The following EBF3 variants were observed in gnomAD, a reference collection of about 807,000 sequenced individuals.
The protein encoded by EBF3 is transcription factor COE3.
In EBF3, 18 loss-of-function variants were observed where a neutral mutation model predicts 77.1. That is an observed-to-expected ratio of 0.23 (90% CI 0.16 to 0.35). The LOEUF is 0.35. Ranked by LOEUF, EBF3 falls within the 10% of genes least tolerant of loss-of-function variation. The pLI is 1.00. For synonymous variants in EBF3, 350 were observed against 343.5 expected, an observed-to-expected ratio of 1.02 and a Z score of -0.21; for missense variants, 558 against 860.0, an observed-to-expected ratio of 0.65 and a Z score of 4.39.
At chr10:129,895,267 A>G (rs2134214209) in intron 6 of EBF3, among the ~76,000 whole-genome samples, 1 of 152,330 alleles carries the variant, frequency 6.6e-6, no homozygotes, top group East Asian at 1.9e-4. Flanking sequence ...GGCTGCTCTT[A>G]GCTCCTGATT....
intron 6 of EBF3, among the ~76,000 whole-genome samples, chr10:129,950,118 C>G (rs1316442726): frequency 1.3e-5 from 2 of 152,096 alleles, no homozygotes; most frequent in Admixed American, 1.3e-4. Context: ...GTGCAGGCAG[C>G]TCCGTCTTCC....
intron 10 of EBF3, among the ~76,000 whole-genome samples, chr10:129,854,302 C>G (rs1851094862): frequency 6.6e-6 from 1 of 152,178 alleles, no homozygotes; most frequent in South Asian, 2.1e-4. Flanking sequence ...GATCAATGCT[C>G]ATAGAAATTT....
chr10:129,944,922 A>G lies in EBF3; in HGVS notation c.554+12336T>C, dbSNP rs191695699. ...TAAAGCTTGATTTTTTAAAAGAAAAACACTGTCTGAAGTTTAGAATAAACT... is the reference window on the plus strand; with the variant it reads ...TAAAGCTTGATTTTTTAAAAGAAAAGCACTGTCTGAAGTTTAGAATAAACT... On this transcript the variant is annotated intron_variant, in intron 6 of 16. Coordinates refer to ENST00000440978, the MANE Select transcript of EBF3 (RefSeq NM_001375380.1). The surrounding 1 kb of genome is among the most constrained non-coding windows in gnomAD (Gnocchi z 5.1). 6.6e-5 allele frequency among the ~76,000 whole-genome samples: 10 copies of G among 151,226 alleles called. No homozygotes were observed. The highest frequency in any genetic ancestry group is 7.4e-5 in the Non-Finnish European group (5 of 67,864).
chr10:129,925,743 A>G (rs201891298), intron 6 of EBF3, among the ~76,000 whole-genome samples: 1 of 124,692 alleles, frequency 8.0e-6, no homozygotes, highest in Admixed American at 8.0e-5. Flanking sequence ...AGAAAATTGG[A>G]AAAAAAAATA....
chr10:129,914,555 G>A (rs533269634), intron 6 of EBF3, among the ~76,000 whole-genome samples: 1 of 152,186 alleles, frequency 6.6e-6, no homozygotes, highest in African/African-American at 2.4e-5. Context: ...GGGCATGCAG[G>A]GCTTGGAACG....
At chr10:129,961,056 C>T (rs560680950) in intron 4 of EBF3, among the ~76,000 whole-genome samples, 91 of 152,282 alleles carry the variant, frequency 6.0e-4, no homozygotes, top group Non-Finnish European at 1.1e-3. Flanking sequence ...ACCCTTGCTA[C>T]CTAGGTAAGG....
At chr10:129,962,298 G>C in intron 3 of EBF3, 72 bp from the exon 4 acceptor site, 5 of 1,478,296 alleles carry the variant, frequency 3.4e-6, no homozygotes, top group Non-Finnish European at 4.7e-6. Context: ...ACGGAGCACA[G>C]GAAGTCTGTA....
At chr10:129,839,403 G>A (rs1011907964) in intron 15 of EBF3, among the ~76,000 whole-genome samples, 1 of 152,198 alleles carries the variant, frequency 6.6e-6, no homozygotes, top group African/African-American at 2.4e-5. Context: ...GCACCCATGT[G>A]GCTCTGCCCG....
At chr10:129,962,119 G>C in intron 4 of EBF3, 52 bp downstream of exon 4, 7 of 1,599,330 alleles carry the variant, frequency 4.4e-6, no homozygotes, top group Non-Finnish European at 6.0e-6. Flanking sequence ...TGAAGCCCAG[G>C]ACAACCCAGG....
chr10:129,906,446 A>G (rs1855150113), intron 6 of EBF3, among the ~76,000 whole-genome samples: 1 of 152,208 alleles, frequency 6.6e-6, no homozygotes, highest in South Asian at 2.1e-4. Context: ...CCTGTACAGG[A>G]GCCCTCTTAA....
intron 15 of EBF3, among the ~76,000 whole-genome samples, chr10:129,839,780 T>C (rs574228633): frequency 6.6e-6 from 1 of 152,328 alleles, no homozygotes; most frequent in Admixed American, 6.5e-5. Flanking sequence ...TGCCCCGCCA[T>C]TCCCATGCCA....
chr10:129,963,789 G>A lies in EBF3; in HGVS notation c.-21C>T, dbSNP rs1859728128. 3.4e-6 allele frequency: 5 copies of A among 1,492,222 alleles called. No individual in the cohort carries two copies. Among genetic ancestry groups the A allele is most frequent in the South Asian group, 2.3e-5 (2 of 86,404 alleles). 92.4% of individuals were successfully genotyped at this position (1,492,222 alleles called of 1,614,324 possible). ...AACATGAAAACTGCTGGCGGCGGCC[G>A]CAGCTCCCGGCCGAAAGCGTTTCCT... On this transcript the variant is annotated 5_prime_UTR_variant, in exon 1 of 17. Coordinates refer to ENST00000440978, the MANE Select transcript of EBF3 (RefSeq NM_001375380.1). This position sits in a 1 kb window ranked among gnomAD's most constrained non-coding sequence, Gnocchi z 7.1.
chr10:129,943,850 T>C lies in EBF3; in HGVS notation c.554+13408A>G, dbSNP rs745427102. 2.6e-5 allele frequency among the ~76,000 whole-genome samples: 4 copies of C among 152,226 alleles called. No homozygotes were observed. The highest frequency in any genetic ancestry group is 5.9e-5 in the Non-Finnish European group (4 of 68,036). On this transcript the variant is annotated intron_variant, in intron 6 of 16. Transcript: ENST00000440978. The surrounding 1 kb of genome is among the most constrained non-coding windows in gnomAD (Gnocchi z 8.8). ...CTGTGCTGAGCTCTCTGGAACCATA[T>C]GTTCAGCAACGTTATGGAGGGCGCT...
At chr10:129,956,803 A>G (rs1236519113) in intron 6 of EBF3, among the ~76,000 whole-genome samples, 1 of 152,262 alleles carries the variant, frequency 6.6e-6, no homozygotes, top group East Asian at 1.9e-4. Context: ...CACATTTTGC[A>G]ACTAATTGAG....
At chr10:129,866,989 T>A in intron 10 of EBF3, 152 bp downstream of exon 10, 1 of 1,151,306 alleles carries the variant, frequency 8.7e-7, no homozygotes, top group Non-Finnish European at 1.2e-6. Flanking sequence ...GGAAACTGCA[T>A]ATCCAGCTAA....
At chr10:129,923,174 C>T (rs1449421009) in intron 6 of EBF3, among the ~76,000 whole-genome samples, 1 of 152,234 alleles carries the variant, frequency 6.6e-6, no homozygotes, top group Non-Finnish European at 1.5e-5. Context: ...CCACAGTCCA[C>T]AAGCCACGTG....
intron 6 of EBF3, among the ~76,000 whole-genome samples, chr10:129,896,824 G>A (rs917616486): frequency 2.0e-5 from 3 of 152,190 alleles, no homozygotes; most frequent in Admixed American, 6.5e-5. Context: ...GCCACCTTTC[G>A]CCCTGCGTGA....
intron 5 of EBF3, among the ~76,000 whole-genome samples, chr10:129,957,622 T>C (rs1407558250): frequency 6.6e-6 from 1 of 152,230 alleles, no homozygotes; most frequent in African/African-American, 2.4e-5. Flanking sequence ...GTCTTTGCAA[T>C]GAACTGAGGA....
chr10:129,955,073 G>A (rs543558942), intron 6 of EBF3, among the ~76,000 whole-genome samples: 1 of 152,018 alleles, frequency 6.6e-6, no homozygotes, highest in African/African-American at 2.4e-5. Context: ...TTTTTTTCAC[G>A]TAGAAATATG....
Sources: allele counts gnomAD v4.1 joint callset (sites outside exome capture counted in the v4.1 genomes callset), GRCh38; gene constraint gnomAD v4.1.1; non-coding constraint Gnocchi (gnomAD v3.1); transcripts MANE v1.5; gene names NCBI Gene and HGNC (gene_info 2026-07-23, HGNC 2026-07-21).